Variants in NKAIN3 observed in about 807,000 individuals in gnomAD.
NKAIN3 encodes the protein sodium/potassium transporting ATPase interacting 3.
Under a neutral mutation model 30.2 loss-of-function variants are expected in NKAIN3, and 25 were observed. The observed-to-expected ratio is 0.83, with a 90% CI of 0.60 to 1.16. The LOEUF is 1.16. NKAIN3 is among the 50% of genes most tolerant of loss of function. NKAIN3 has a pLI of 0.00. For missense variants in NKAIN3, 225 were observed against 254.1 expected (o/e 0.89, Z 0.78); for synonymous variants, 91 against 89.6 (o/e 1.02, Z -0.09).
chr8:62,863,785 C>T (rs773269622), intron 4 of NKAIN3: 17 of 1,611,122 alleles, frequency 1.1e-5, no homozygotes, highest in Non-Finnish European at 1.4e-5. Context: ...TAGAGAAGTG[C>T]CCCCATCCAA....
chr8:62,925,838 T>C (rs1483825890), intron 5 of NKAIN3, among the ~76,000 whole-genome samples: 1 of 152,168 alleles, frequency 6.6e-6, no homozygotes, highest in African/African-American at 2.4e-5. Context: ...CTGACCTCTA[T>C]GCTCCAGAGT....
intron 1 of NKAIN3, among the ~76,000 whole-genome samples, chr8:62,346,693 G>A (rs1298264210): frequency 1.3e-5 from 2 of 151,974 alleles, no homozygotes; most frequent in Admixed American, 6.6e-5. Context: ...TGTGTTCTAG[G>A]TGCCACTAGA....
chr8:62,261,340 T>C (rs1812433960), intron 1 of NKAIN3, among the ~76,000 whole-genome samples: 1 of 152,218 alleles, frequency 6.6e-6, no homozygotes, highest in Non-Finnish European at 1.5e-5. Flanking sequence ...TCATGCACAT[T>C]GCATAACTGA....
At chr8:62,779,952 T>C (rs141451470) in intron 4 of NKAIN3, among the ~76,000 whole-genome samples, 44 of 151,584 alleles carry the variant, frequency 2.9e-4, no homozygotes, top group Non-Finnish European at 6.0e-4. Context: ...ATAATAAAGA[T>C]CAAAGCAGAA....
intron 1 of NKAIN3, among the ~76,000 whole-genome samples, chr8:62,406,868 A>G (rs906901313): frequency 2.6e-5 from 4 of 152,180 alleles, no homozygotes; most frequent in East Asian, 3.8e-4. Context: ...GTAACTTTCT[A>G]GAAACTCTTT....
At chr8:62,329,775 A>T (rs2129589907) in intron 1 of NKAIN3, among the ~76,000 whole-genome samples, 1 of 152,144 alleles carries the variant, frequency 6.6e-6, no homozygotes, top group Admixed American at 6.6e-5. Flanking sequence ...CGTCCTTACT[A>T]TTGTTAATAG....
At position 62,299,953 on chromosome 8, in the gene NKAIN3, C is replaced by T. The variant is rs551729629; in HGVS notation, c.54+50826C>T. The stretch of plus-strand genomic sequence containing the variant: ...CTTTAAATTGTAGTGTGGATCAGTA[C>T]ATTTTAAATAAGAAATTTGGAGAGT... On this transcript the variant is annotated intron_variant, in intron 1 of 6. Transcript: ENST00000623646. Among the ~76,000 whole-genome samples the T allele has an allele frequency of 2.6e-5, 4 of 152,134 alleles. No individual in the cohort carries two copies. In the South Asian group the frequency reaches 6.2e-4, roughly 24 times the overall value.
At chr8:62,672,798 T>A (rs950271831) in intron 3 of NKAIN3, among the ~76,000 whole-genome samples, 19 of 152,240 alleles carry the variant, frequency 1.2e-4, no homozygotes, top group Admixed American at 1.0e-3. Flanking sequence ...TATCTCTTTA[T>A]ATTCATAGTA....
In NKAIN3 at chr8:62,499,857, CT is replaced by C. The variant is rs562894647; in HGVS notation, c.55-79679del. On this transcript the variant is annotated intron_variant, in intron 1 of 6. Transcript: ENST00000623646. The stretch of plus-strand genomic sequence containing the variant: ...TTCTTTCCTTCTTTCCTTCTTCTCT[CT>C]TTCTTTTTTTTTCTTTTTGTGTCCT... 1.4e-3 allele frequency among the ~76,000 whole-genome samples: 212 copies of C among 151,956 alleles called. 1 individual carries two copies. Among genetic ancestry groups the C allele is most frequent in the African/African-American group, 4.9e-3 (205 of 41,448 alleles).
At chr8:62,326,822 G>A (rs1815155043) in intron 1 of NKAIN3, among the ~76,000 whole-genome samples, 1 of 151,894 alleles carries the variant, frequency 6.6e-6, no homozygotes, top group African/African-American at 2.4e-5. Context: ...ACTCAGAAGT[G>A]GAATTGCTGG....
At chr8:62,625,782 T>C (rs1358061983) in intron 3 of NKAIN3, among the ~76,000 whole-genome samples, 1 of 152,058 alleles carries the variant, frequency 6.6e-6, no homozygotes, top group Non-Finnish European at 1.5e-5. Flanking sequence ...TCTCTTCCTT[T>C]TTCCTTTGTT....
At chr8:62,735,497 T>C (rs1815632073) in intron 3 of NKAIN3, among the ~76,000 whole-genome samples, 1 of 152,070 alleles carries the variant, frequency 6.6e-6, no homozygotes, top group Non-Finnish European at 1.5e-5. Flanking sequence ...GAAGTTGTGA[T>C]TGTGTTTTAT....
intron 1 of NKAIN3, among the ~76,000 whole-genome samples, chr8:62,338,139 C>CT (rs1394798639): frequency 4.6e-5 from 7 of 151,856 alleles, no homozygotes; most frequent in Non-Finnish European, 7.4e-5. Context: ...GCCATAAAAC[C>CT]TTTTAAACTG....
intron 3 of NKAIN3, among the ~76,000 whole-genome samples, chr8:62,614,569 C>T (rs1811392531): frequency 6.6e-6 from 1 of 152,134 alleles, no homozygotes; most frequent in Non-Finnish European, 1.5e-5. Flanking sequence ...ACCAACTAGG[C>T]CTGTGAGCTT....
At position 62,969,982 on chromosome 8, in the gene NKAIN3, G is replaced by T. The variant is rs1823796702; in HGVS notation, c.*4575G>T. On this transcript the variant is annotated 3_prime_UTR_variant, in exon 7 of 7. Coordinates refer to ENST00000623646, the MANE Select transcript of NKAIN3 (RefSeq NM_001304533.3). ...AGTTGAGATGAAAGAATCACTTGAGGCCAGGAGTTCAAGACCAGCTTGGGC... is the reference window on the plus strand; with the variant it reads ...AGTTGAGATGAAAGAATCACTTGAGTCCAGGAGTTCAAGACCAGCTTGGGC... Among the ~76,000 whole-genome samples, 1 of 152,064 alleles carries T rather than the reference G, an allele frequency of 6.6e-6. No individual in the cohort carries two copies. The highest frequency in any genetic ancestry group is 6.6e-5 in the Admixed American group (1 of 15,254).
chr8:62,642,994 G>T (rs1415762685), intron 3 of NKAIN3, among the ~76,000 whole-genome samples: 1 of 152,088 alleles, frequency 6.6e-6, no homozygotes, highest in Middle Eastern at 3.2e-3. Context: ...TTTTTGTTCA[G>T]ATCATAATTT....
intron 1 of NKAIN3, among the ~76,000 whole-genome samples, chr8:62,422,575 AT>A (rs1227720142): frequency 6.6e-6 from 1 of 152,122 alleles, no homozygotes; most frequent in African/African-American, 2.4e-5. Flanking sequence ...CACTTGTCCC[AT>A]CATCTCCATC....
intron 4 of NKAIN3, among the ~76,000 whole-genome samples, chr8:62,792,805 C>T (rs910748777): frequency 1.3e-5 from 2 of 151,998 alleles, no homozygotes; most frequent in East Asian, 3.9e-4. Context: ...GGGGGAACAG[C>T]ACAGACAATT....
At chr8:62,912,403 T>C (rs1821947416) in intron 4 of NKAIN3, among the ~76,000 whole-genome samples, 1 of 152,150 alleles carries the variant, frequency 6.6e-6, no homozygotes, top group African/African-American at 2.4e-5. Context: ...AATTTTTAAA[T>C]TTACTTTCTT....
Sources: allele counts gnomAD v4.1 joint callset (sites outside exome capture counted in the v4.1 genomes callset), GRCh38; gene constraint gnomAD v4.1.1; transcripts MANE v1.5; gene names NCBI Gene and HGNC (gene_info 2026-07-23, HGNC 2026-07-21).